Variants in LOC128462377 observed in about 807,000 individuals in gnomAD.
At chr16:89,378,390 A>G in the LOC128462377 span, among the ~76,000 whole-genome samples, 6 of 152,352 alleles carry the variant, frequency 3.9e-5, no homozygotes, top group South Asian at 1.2e-3. Flanking sequence ...TGATTTCATC[A>G]ACGTGTATGT....
the LOC128462377 span, among the ~76,000 whole-genome samples, chr16:89,358,715 G>A: frequency 6.6e-6 from 1 of 152,238 alleles, no homozygotes; most frequent in Non-Finnish European, 1.5e-5. Context: ...CTGGCCCTGT[G>A]TGCTGAGGAC....
At chr16:89,406,750 C>G in the LOC128462377 span, among the ~76,000 whole-genome samples, 1 of 152,296 alleles carries the variant, frequency 6.6e-6, no homozygotes, top group Non-Finnish European at 1.5e-5. Flanking sequence ...GATAAGCGAT[C>G]CCACCAAGCA....
chr16:89,415,835 A>AAAAAAAAAAAAAACAAAAC, the LOC128462377 span, among the ~76,000 whole-genome samples: 3 of 140,768 alleles, frequency 2.1e-5, no homozygotes, highest in Admixed American at 7.2e-5. Flanking sequence ...GTCTCAAAAA[A>AAAAAAAAAAAAAACAAAAC]AAAAAAAAAA....
At chr16:89,370,238 C>G in the LOC128462377 span, among the ~76,000 whole-genome samples, 2 of 152,202 alleles carry the variant, frequency 1.3e-5, no homozygotes, top group Non-Finnish European at 2.9e-5. Flanking sequence ...GAGCCCATGT[C>G]CAGGGGTGGC....
chr16:89,327,369 C>T, the LOC128462377 span, among the ~76,000 whole-genome samples: 2 of 152,068 alleles, frequency 1.3e-5, no homozygotes, highest in African/African-American at 4.8e-5. Flanking sequence ...TCAAGAGTGA[C>T]GTGCTGAGGG....
chr16:89,334,188 A>AG, the LOC128462377 span, among the ~76,000 whole-genome samples: 3 of 149,906 alleles, frequency 2.0e-5, no homozygotes, highest in African/African-American at 7.5e-5. Flanking sequence ...GAGAGAGAGA[A>AG]AGAAAGAAAA....
the LOC128462377 span, among the ~76,000 whole-genome samples, chr16:89,329,680 G>C: frequency 1.3e-5 from 2 of 152,164 alleles, no homozygotes; most frequent in African/African-American, 2.4e-5. Context: ...ACCTTGTTTT[G>C]TGTATTTGGC....
chr16:89,351,630 G>A, the LOC128462377 span, among the ~76,000 whole-genome samples: 1 of 152,226 alleles, frequency 6.6e-6, no homozygotes, highest in Admixed American at 6.5e-5. Context: ...TGTGGGCACT[G>A]CAGACATAGG....
the LOC128462377 span, among the ~76,000 whole-genome samples, chr16:89,325,572 T>C: frequency 6.6e-6 from 1 of 152,178 alleles, no homozygotes; most frequent in Non-Finnish European, 1.5e-5. Flanking sequence ...TACTTAGGGA[T>C]GCATACTTAG....
At chr16:89,384,175 G>A in the LOC128462377 span, among the ~76,000 whole-genome samples, 8 of 152,272 alleles carry the variant, frequency 5.3e-5, no homozygotes, top group African/African-American at 1.9e-4. Context: ...GAGCTGAGAT[G>A]TGCTCCTGCA....
chr16:89,364,092 G>C, the LOC128462377 span, among the ~76,000 whole-genome samples: 1 of 146,792 alleles, frequency 6.8e-6, no homozygotes, highest in Non-Finnish European at 1.5e-5. Flanking sequence ...ACACTCAATG[G>C]AAGGCAAAAG....
chr16:89,320,464 A>C, the LOC128462377 span: 5 of 152,344 alleles, frequency 3.3e-5, no homozygotes, highest in South Asian at 1.0e-3. Flanking sequence ...GCTGAGCGGC[A>C]AGGCACAGCC....
the LOC128462377 span, among the ~76,000 whole-genome samples, chr16:89,322,162 C>G: frequency 3.3e-5 from 5 of 152,190 alleles, no homozygotes; most frequent in African/African-American, 7.2e-5. Flanking sequence ...GCTGGCGCCC[C>G]CAACCCCTGT....
At chr16:89,341,982 C>T in the LOC128462377 span, among the ~76,000 whole-genome samples, 1 of 148,184 alleles carries the variant, frequency 6.7e-6, no homozygotes, top group African/African-American at 2.6e-5. Flanking sequence ...GAGTGCTGCA[C>T]CTCCACCCAC....
chr16:89,395,395 C>T, the LOC128462377 span, among the ~76,000 whole-genome samples: 1 of 152,334 alleles, frequency 6.6e-6, no homozygotes, highest in African/African-American at 2.4e-5. Flanking sequence ...GGACATGGTC[C>T]GCTTGCTACT....
chr16:89,332,805 A>C, the LOC128462377 span, among the ~76,000 whole-genome samples: 2 of 152,208 alleles, frequency 1.3e-5, no homozygotes, highest in Non-Finnish European at 2.9e-5. Context: ...TCCTGGTACA[A>C]CTGAGAAAGC....
At chr16:89,354,919 G>A in the LOC128462377 span, among the ~76,000 whole-genome samples, 1 of 152,110 alleles carries the variant, frequency 6.6e-6, no homozygotes, top group Non-Finnish European at 1.5e-5. Flanking sequence ...CTGGAAGCTC[G>A]TTCTTCTAGC....
the LOC128462377 span, among the ~76,000 whole-genome samples, chr16:89,348,233 C>A: frequency 6.6e-6 from 1 of 152,140 alleles, no homozygotes; most frequent in Non-Finnish European, 1.5e-5. Flanking sequence ...TATCTGGCCT[C>A]AAATACCATT....
chr16:89,367,058 G>C, the LOC128462377 span, among the ~76,000 whole-genome samples: 2 of 152,102 alleles, frequency 1.3e-5, no homozygotes, highest in African/African-American at 4.8e-5. Flanking sequence ...CTTCTGCTAG[G>C]ACGACCTCTC....
Sources: allele counts gnomAD v4.1 joint callset (sites outside exome capture counted in the v4.1 genomes callset), GRCh38; gene constraint gnomAD v4.1.1; transcripts MANE v1.5.